MAGI2: variants seen among roughly 807,000 people sequenced by gnomAD.
MAGI2 encodes membrane-associated guanylate kinase, WW and PDZ domain-containing protein 2.
Under a neutral mutation model 133.3 loss-of-function variants are expected in MAGI2, and 35 were observed. The ratio of observed to expected loss-of-function variants is 0.26; its 90% CI spans 0.20 to 0.35. The LOEUF (loss-of-function observed/expected upper bound fraction) is 0.35. Among genes scored for constraint, MAGI2 ranks in the 10% least tolerant of loss-of-function variants. The pLI, the probability that MAGI2 is intolerant of heterozygous loss-of-function variation, is 1.00. For synonymous variants in MAGI2, 729 were observed against 710.6 expected (o/e 1.03, Z -0.41); for missense variants, 1,636 against 1,863.4 (o/e 0.88, Z 2.25).
At chr7:79,446,959 A>T (rs1055977703) in intron 1 of MAGI2, among the ~76,000 whole-genome samples, 2 of 152,170 alleles carry the variant, frequency 1.3e-5, no homozygotes, top group African/African-American at 4.8e-5. Context: ...CTCAAAAAAA[A>T]ATAATAAATA....
chr7:78,209,314 A>T (rs112082140), intron 10 of MAGI2, among the ~76,000 whole-genome samples: 6,299 of 120,028 alleles, frequency 0.052, 203 homozygotes, highest in Admixed American at 0.083. Context: ...CAGGCTGGAG[A>T]GCAGTGGCGC....
intron 1 of MAGI2, among the ~76,000 whole-genome samples, chr7:79,085,822 C>T (rs1344231690): frequency 6.6e-6 from 1 of 151,910 alleles, no homozygotes; most frequent in East Asian, 1.9e-4. Flanking sequence ...CTTTGAATCA[C>T]TAAGTTTCCC....
chr7:78,668,046 C>T (rs537405550), intron 2 of MAGI2, among the ~76,000 whole-genome samples: 3 of 152,234 alleles, frequency 2.0e-5, no homozygotes, highest in South Asian at 2.1e-4. Context: ...ACATCCTCTC[C>T]AGCACCTGTT....
chr7:78,903,172 C>CTTTTTTTTTTTT lies in MAGI2; in HGVS notation c.418+103906_418+103917dup, dbSNP rs10526268. On this transcript the variant is annotated intron_variant, in intron 2 of 21. Transcript: ENST00000354212. ...TTCATGCAAGTGGGAGTTCCTGAATCTTTTTTTTTTTTTTTTTTTTTTTTT... is the reference window on the plus strand; with the variant it reads ...TTCATGCAAGTGGGAGTTCCTGAATCTTTTTTTTTTTTTTTTTTTTTTTTTTTTTTTTTTTTT... Among the ~76,000 whole-genome samples the CTTTTTTTTTTTT allele has an allele frequency of 1.0e-3, 57 of 56,122 alleles. 8 individuals are homozygous for CTTTTTTTTTTTT. The highest frequency in any genetic ancestry group is 1.5e-3 in the Non-Finnish European group (47 of 30,846). The allele number at this position is 56,122 out of a possible 152,430, so 36.8% of individuals were successfully genotyped here. A position where few individuals can be genotyped will look rare whatever the true frequency, so the allele number is the denominator to read the frequency against.
At chr7:78,544,020 A>G (rs1230994286) in intron 3 of MAGI2, among the ~76,000 whole-genome samples, 2 of 152,216 alleles carry the variant, frequency 1.3e-5, no homozygotes, top group Non-Finnish European at 2.9e-5. Flanking sequence ...AAGTGTGACT[A>G]TGAGTTTCAG....
rs367623662 is a variant in MAGI2, at chr7:78,051,834, C to T, written c.3706+27113G>A. On this transcript the variant is annotated intron_variant, in intron 21 of 21. Transcript: ENST00000354212. ...CCCTGGCCTCAAGTCATCCACCTGCCTTGACCTCCCATTGTGCTGGAATTG... is the reference window on the plus strand; with the variant it reads ...CCCTGGCCTCAAGTCATCCACCTGCTTTGACCTCCCATTGTGCTGGAATTG... Among the ~76,000 whole-genome samples the T allele has an allele frequency of 4.0e-5, 6 of 151,390 alleles. No individual in the cohort carries two copies. In the East Asian group the frequency reaches 7.7e-4, roughly 19 times the overall value.
intron 2 of MAGI2, 26 bp from the exon 3 acceptor site, chr7:78,627,265 A>C: frequency 6.6e-7 from 1 of 1,505,828 alleles, no homozygotes; most frequent in Non-Finnish European, 8.8e-7. Flanking sequence ...TAAAAACAAA[A>C]GAAAGACGCT....
At chr7:79,294,565 C>A (rs1439250463) in intron 1 of MAGI2, among the ~76,000 whole-genome samples, 1 of 152,028 alleles carries the variant, frequency 6.6e-6, no homozygotes, top group Non-Finnish European at 1.5e-5. Flanking sequence ...TTGGCTGTCT[C>A]AGTGAAGTCA....
intron 1 of MAGI2, among the ~76,000 whole-genome samples, chr7:79,208,367 C>T (rs954963903): frequency 6.6e-6 from 1 of 151,628 alleles, no homozygotes; most frequent in Admixed American, 6.6e-5. Context: ...AAACCAATTA[C>T]AGAACACCAA....
At chr7:78,997,615 A>G (rs1806438038) in intron 2 of MAGI2, among the ~76,000 whole-genome samples, 1 of 152,086 alleles carries the variant, frequency 6.6e-6, no homozygotes, top group African/African-American at 2.4e-5. Flanking sequence ...TAAAAAAAAA[A>G]AAAAAAAGGC....
intron 1 of MAGI2, among the ~76,000 whole-genome samples, chr7:79,181,898 C>T (rs1436720161): frequency 1.3e-5 from 2 of 152,020 alleles, no homozygotes; most frequent in African/African-American, 4.8e-5. Flanking sequence ...GGCACAATGC[C>T]ATCAGTCTCT....
Position 79,314,751 on chromosome 7 carries a change from C to T in MAGI2, c.301+138269G>A, listed in dbSNP as rs114750871. On this transcript the variant is annotated intron_variant, in intron 1 of 21. Transcript: ENST00000354212. ...AGAGATGTACATGTGACCAATCAAA[C>T]TACATAAGATAAACTGTGACTTTTA... 2.5e-3 allele frequency among the ~76,000 whole-genome samples: 387 copies of T among 152,232 alleles called. 2 individuals carry two copies. Among genetic ancestry groups the T allele is most frequent in the African/African-American group, 9.0e-3 (375 of 41,544 alleles).
At chr7:78,095,373 A>G (rs1817601553) in intron 20 of MAGI2, among the ~76,000 whole-genome samples, 1 of 152,138 alleles carries the variant, frequency 6.6e-6, no homozygotes, top group African/African-American at 2.4e-5. Context: ...AGTAGGGGTC[A>G]CTTTAGTTAG....
chr7:78,536,295 G>T (rs1797915167), intron 3 of MAGI2, among the ~76,000 whole-genome samples: 1 of 150,140 alleles, frequency 6.7e-6, no homozygotes, highest in African/African-American at 2.5e-5. Context: ...TGTATTTTTA[G>T]TAGAGACGGG....
intron 1 of MAGI2, among the ~76,000 whole-genome samples, chr7:79,215,865 T>C (rs903088979): frequency 1.3e-5 from 2 of 151,916 alleles, no homozygotes; most frequent in Non-Finnish European, 1.5e-5. Flanking sequence ...GATGGAGACT[T>C]GTCTCAGTTA....
At chr7:78,609,479 T>G (rs1250112740) in intron 3 of MAGI2, among the ~76,000 whole-genome samples, 1 of 152,116 alleles carries the variant, frequency 6.6e-6, no homozygotes, top group African/African-American at 2.4e-5. Context: ...TGTCACGTGA[T>G]GAAGGAAAAG....
chr7:79,064,083 C>G (rs889875927), intron 1 of MAGI2, among the ~76,000 whole-genome samples: 6 of 151,992 alleles, frequency 3.9e-5, no homozygotes, highest in African/African-American at 1.2e-4. Flanking sequence ...TTTGAGCCAG[C>G]TGCAAAAGCA....
chr7:78,049,154 C>G (rs191445979), intron 21 of MAGI2, among the ~76,000 whole-genome samples: 20 of 151,388 alleles, frequency 1.3e-4, no homozygotes, highest in Admixed American at 9.2e-4. Flanking sequence ...TTTATTCTTT[C>G]TTTTTACCCT....
intron 1 of MAGI2, among the ~76,000 whole-genome samples, chr7:79,077,047 T>C (rs1286881224): frequency 2.6e-5 from 4 of 152,230 alleles, no homozygotes; most frequent in African/African-American, 9.6e-5. Context: ...TACCATTTAT[T>C]TGGGGATTTT....
Sources: gnomAD v4.1 joint callset for allele counts (sites outside exome capture counted in the v4.1 genomes callset) on GRCh38, gnomAD v4.1.1 for gene constraint, MANE v1.5 for transcripts, NCBI Gene and HGNC (gene_info 2026-07-23, HGNC 2026-07-21) for gene names.